Variants in GLB1 observed in about 807,000 individuals in gnomAD.
The protein encoded by GLB1 is galactosidase beta 1.
Under a neutral mutation model 74.0 loss-of-function variants are expected in GLB1, and 56 were observed. The ratio of observed to expected loss-of-function variants is 0.76; its 90% CI spans 0.61 to 0.94. GLB1 has a LOEUF of 0.94. Ranked by LOEUF, GLB1 falls within the 40% of genes least tolerant of loss-of-function variation. GLB1 has a pLI of 0.00. For missense variants in GLB1, 787 were observed against 845.5 expected (o/e 0.93, Z 0.86); for synonymous variants, 323 against 323.6 (o/e 1.00, Z 0.02).
chr3:33,029,048 G>A lies in GLB1; in HGVS notation c.1069-4723C>T, dbSNP rs909548410. On this transcript the variant is annotated intron_variant, in intron 10 of 15. Transcript: ENST00000307363. ...TAATACAGATATTAAGCTTTCATCT[G>A]TCTATCCCATTTACTACAATTTTCT... is the stretch of plus-strand genomic sequence containing the variant. Among the ~76,000 whole-genome samples, 4 of 152,196 alleles carry A rather than the reference G, an allele frequency of 2.6e-5. No individual in the cohort carries two copies. The South Asian group carries it at 6.2e-4, about 24-fold the overall frequency.
chr3:33,084,726 T>A (rs962856420), intron 1 of GLB1, among the ~76,000 whole-genome samples: 1 of 152,074 alleles, frequency 6.6e-6, no homozygotes, highest in African/African-American at 2.4e-5. Context: ...AAATAAAAAT[T>A]AAATTAAAAA....
At chr3:32,974,957 G>T in the GLB1 span, among the ~76,000 whole-genome samples, 1 of 152,192 alleles carries the variant, frequency 6.6e-6, no homozygotes, top group Non-Finnish European at 1.5e-5. Flanking sequence ...ACCTAGTCAA[G>T]TTGGCACATA....
At chr3:32,984,301 C>G in the GLB1 span, among the ~76,000 whole-genome samples, 1 of 151,920 alleles carries the variant, frequency 6.6e-6, no homozygotes, top group African/African-American at 2.4e-5. Context: ...AATTCAAGGG[C>G]GTTGCTCAGG....
intron 13 of GLB1, 90 bp downstream of exon 13, chr3:33,018,358 G>T: frequency 1.0e-6 from 1 of 992,692 alleles, no homozygotes; most frequent in Non-Finnish European, 1.5e-6. Flanking sequence ...GAAAAGGTGA[G>T]CAAAGACCCC....
At position 33,090,911 on chromosome 3, in the gene GLB1, G is replaced by A. The variant is rs181831538; in HGVS notation, c.75+6100C>T. 78 of 985,318 alleles carry A rather than the reference G, an allele frequency of 7.9e-5. No homozygotes were observed. The East Asian group carries it at 6.6e-3, about 83-fold the overall frequency. 61.0% of individuals were successfully genotyped at this position (985,318 alleles called of 1,614,324 possible). ...ATGGCATTCAAGAGAAAGAAAAGAGGTAAGGATGCAAAATTAAAAAAAAAA... is the reference window on the plus strand; with the variant it reads ...ATGGCATTCAAGAGAAAGAAAAGAGATAAGGATGCAAAATTAAAAAAAAAA... On this transcript the variant is annotated intron_variant, in intron 1 of 15. Coordinates refer to ENST00000307363, the MANE Select transcript of GLB1 (RefSeq NM_000404.4).
At chr3:33,010,341 A>T (rs763310628) in intron 15 of GLB1, among the ~76,000 whole-genome samples, 26 of 152,230 alleles carry the variant, frequency 1.7e-4, no homozygotes, top group Non-Finnish European at 2.6e-4. Context: ...ATGATTAATA[A>T]TGTTGAACAT....
At chr3:33,041,822 T>C (rs1355822494) in intron 10 of GLB1, among the ~76,000 whole-genome samples, 2 of 151,830 alleles carry the variant, frequency 1.3e-5, no homozygotes, top group African/African-American at 4.8e-5. Flanking sequence ...TAAAGAAAAG[T>C]GTGGTCCTGG....
At chr3:33,076,710 G>A (rs1464060701) in intron 1 of GLB1, among the ~76,000 whole-genome samples, 2 of 152,186 alleles carry the variant, frequency 1.3e-5, no homozygotes, top group African/African-American at 4.8e-5. Flanking sequence ...TAAAAAATAT[G>A]ACTACGTGTA....
At chr3:33,005,669 T>A (rs1164049239) in intron 15 of GLB1, among the ~76,000 whole-genome samples, 6 of 151,922 alleles carry the variant, frequency 3.9e-5, no homozygotes. Context: ...AATTCAAAAA[T>A]TTTTTTTGTA....
chr3:33,043,844 G>GAAAAA (rs376478014), intron 10 of GLB1, among the ~76,000 whole-genome samples: 3 of 104,980 alleles, frequency 2.9e-5, no homozygotes, highest in Admixed American at 1.1e-4. Flanking sequence ...ACCAAAAAAA[G>GAAAAA]AAAAAAAAAA....
At chr3:33,063,572 T>A (rs1178975678) in intron 5 of GLB1, among the ~76,000 whole-genome samples, 1 of 152,148 alleles carries the variant, frequency 6.6e-6, no homozygotes, top group Non-Finnish European at 1.5e-5. Context: ...AATACTTGAT[T>A]ATACTTTTTG....
chr3:33,088,978 G>T (rs1700640704), intron 1 of GLB1, among the ~76,000 whole-genome samples: 1 of 152,148 alleles, frequency 6.6e-6, no homozygotes, highest in African/African-American at 2.4e-5. Context: ...ACAAACTCTT[G>T]TGTATATGGT....
chr3:33,072,983 T>C (rs978156916), intron 1 of GLB1, among the ~76,000 whole-genome samples: 5 of 152,064 alleles, frequency 3.3e-5, no homozygotes, highest in African/African-American at 1.2e-4. Flanking sequence ...AATCAGTGGC[T>C]GAGATGATAT....
intron 15 of GLB1, among the ~76,000 whole-genome samples, chr3:33,009,586 T>C (rs542466707): frequency 6.6e-6 from 1 of 152,280 alleles, no homozygotes; most frequent in South Asian, 2.1e-4. Context: ...CATAGAAACA[T>C]GCAGCCAGAG....
the GLB1 span, among the ~76,000 whole-genome samples, chr3:32,967,400 C>G: frequency 3.9e-5 from 6 of 152,144 alleles, no homozygotes; most frequent in Middle Eastern, 3.2e-3. Context: ...AACCTCGTCT[C>G]TACTAAAAAT....
At chr3:32,990,890 C>T in the GLB1 span, among the ~76,000 whole-genome samples, 11 of 152,114 alleles carry the variant, frequency 7.2e-5, no homozygotes, top group Non-Finnish European at 1.5e-4. Context: ...AGGAGAATGG[C>T]GTGAACCCGG....
At chr3:33,058,513 C>T (rs1413686901) in intron 5 of GLB1, among the ~76,000 whole-genome samples, 1 of 151,752 alleles carries the variant, frequency 6.6e-6, no homozygotes, top group Non-Finnish European at 1.5e-5. Context: ...CAAAAAACAC[C>T]AAACTGGTGT....
At chr3:32,979,976 T>G in the GLB1 span, among the ~76,000 whole-genome samples, 1 of 152,146 alleles carries the variant, frequency 6.6e-6, no homozygotes, top group Non-Finnish European at 1.5e-5. Flanking sequence ...ATGGGTACAA[T>G]GTGATGTTTC....
At chr3:33,050,459 A>T (rs1698927948) in intron 9 of GLB1, among the ~76,000 whole-genome samples, 1 of 152,264 alleles carries the variant, frequency 6.6e-6, no homozygotes, top group Non-Finnish European at 1.5e-5. Flanking sequence ...ATTCAGCAAT[A>T]AAAAGGAATG....
Sources: gnomAD v4.1 joint callset for allele counts (sites outside exome capture counted in the v4.1 genomes callset) on GRCh38, gnomAD v4.1.1 for gene constraint, MANE v1.5 for transcripts, NCBI Gene and HGNC (gene_info 2026-07-23, HGNC 2026-07-21) for gene names.